Variants in ZAN observed in about 807,000 individuals in gnomAD.
ZAN encodes zonadhesin.
In ZAN, 260 loss-of-function variants were observed where a neutral mutation model predicts 286.2. The ratio of observed to expected loss-of-function variants is 0.91; its 90% CI spans 0.82 to 1.01. The LOEUF (loss-of-function observed/expected upper bound fraction) is 1.01, where lower values mean the gene tolerates loss of function less well. Among genes scored for constraint, ZAN ranks in the 50% least tolerant of loss-of-function variants. The pLI is 0.00. For missense variants in ZAN, 3,410 were observed against 3,639.2 expected (o/e 0.94, Z 1.62); for synonymous variants, 1,368 against 1,417.5 (o/e 0.97, Z 0.79).
intron 27 of ZAN, 36 bp downstream of exon 27, chr7:100,768,757 C>A (rs368223688): frequency 1.3e-6 from 2 of 1,540,592 alleles, no homozygotes; most frequent in East Asian, 2.4e-5. Flanking sequence ...GCAGGAGGGG[C>A]TGGGCCTGGG....
At chr7:100,743,333 T>G (rs140591430) in intron 7 of ZAN, among the ~76,000 whole-genome samples, 52 of 152,222 alleles carry the variant, frequency 3.4e-4, no homozygotes, top group African/African-American at 1.1e-3. Flanking sequence ...ATATTCTTTC[T>G]TTCTATGCAC....
intron 35 of ZAN, among the ~76,000 whole-genome samples, chr7:100,783,775 TATATATATACAC>T (rs1198802007): frequency 4.4e-5 from 1 of 22,496 alleles, no homozygotes; most frequent in Non-Finnish European, 9.8e-5. Flanking sequence ...TATATATATA[TATATATATACAC>T]ATATATATAT....
At chr7:100,746,408 A>T in intron 7 of ZAN, 130 bp from the exon 8 acceptor site, 2 of 1,200,738 alleles carry the variant, frequency 1.7e-6, no homozygotes, top group Non-Finnish European at 2.3e-6. Flanking sequence ...GGACCACCTC[A>T]GTGCTGCCTG....
At chr7:100,759,199 C>T (rs1204891332) in intron 17 of ZAN, among the ~76,000 whole-genome samples, 1 of 151,256 alleles carries the variant, frequency 6.6e-6, no homozygotes, top group Non-Finnish European at 1.5e-5. Context: ...CACTCCTGCA[C>T]TCTAGCCTAA....
At chr7:100,744,547 G>A (rs192532322) in intron 7 of ZAN, among the ~76,000 whole-genome samples, 2,281 of 151,136 alleles carry the variant, frequency 0.015, 110 homozygotes, top group African/African-American at 0.051. Flanking sequence ...GCAGTGAGCC[G>A]AGATAGCGCC....
In ZAN at chr7:100,776,481, C is replaced by G. The variant is rs1276072201; in HGVS notation, c.6234C>G (p.Asp2078Glu). 25 of 1,601,728 alleles carry G rather than the reference C, an allele frequency of 1.6e-5. No individual in the cohort carries two copies. Among genetic ancestry groups the G allele is most frequent in the Non-Finnish European group, 2.1e-5 (25 of 1,174,214 alleles). ...GGAACTTCAATGATGAGGAAGAGGACGAACTAATGATGCCCAGCGATGAAG... is the reference window on the plus strand; with the variant it reads ...GGAACTTCAATGATGAGGAAGAGGAGGAACTAATGATGCCCAGCGATGAAG... ...MCGNFNDEEE[D>E]ELMMPSDEVA... The change falls in exon 34 of 48, where the codon GAC (aspartate) becomes GAG (glutamate). Residue 2078 changes from aspartate to glutamate, a missense_variant. Around this residue, in one of 7 missense-constraint regions of ZAN, gnomAD observed 1,289 missense variants for 1,314.3 expected, o/e 0.98. Transcript: ENST00000613979.
chr7:100,779,420 C>T, intron 34 of ZAN, 26 bp from the exon 35 acceptor site: 1 of 1,587,860 alleles, frequency 6.3e-7, no homozygotes, highest in Non-Finnish European at 8.6e-7. Context: ...ACGGCTGTCC[C>T]TAGGCTGATT....
At chr7:100,774,609 G>A (rs1365874327) in intron 31 of ZAN, among the ~76,000 whole-genome samples, 3 of 152,136 alleles carry the variant, frequency 2.0e-5, no homozygotes, top group African/African-American at 7.2e-5. Context: ...TTGAGCCCAG[G>A]AATTAGAGTC....
chr7:100,758,913 A>G (rs1237539809), intron 17 of ZAN, among the ~76,000 whole-genome samples: 1 of 151,236 alleles, frequency 6.6e-6, no homozygotes, highest in African/African-American at 2.4e-5. Context: ...CAGGACTCTC[A>G]TCTCCATGAA....
In ZAN at chr7:100,755,402, T is replaced by A. The variant is rs771267316; in HGVS notation, c.3301T>A (p.Tyr1101Asn). ...SSCNCFYNND[Y>N]YEPGAEWFSP... Reference sequence around the variant, plus strand: ...CTGCAATTGCTTCTACAACAACGACTACTATGAGGTAAGCCCCCCGGGATG... The same window carrying A: ...CTGCAATTGCTTCTACAACAACGACAACTATGAGGTAAGCCCCCCGGGATG... Residue 1101 changes from tyrosine (Y) to asparagine (N), a missense_variant, in exon 15 of 48, where the codon TAC becomes AAC. By Grantham distance (143) the Tyr-to-Asn change is moderately radical. Coordinates refer to ENST00000613979, the MANE Select transcript of ZAN (RefSeq NM_003386.3). 1 of 1,613,224 alleles carries A rather than the reference T, an allele frequency of 6.2e-7. No homozygotes were observed. Among genetic ancestry groups the A allele is most frequent in the East Asian group, 2.2e-5 (1 of 44,878 alleles).
rs1810734146 is a variant in ZAN at position 100,775,754 on chromosome 7, A to G, written c.6113A>G (p.Asn2038Ser). 6.2e-7 allele frequency: 1 copy of G among 1,613,954 alleles called. No homozygotes were observed. The highest frequency in any genetic ancestry group is 2.2e-5 in the East Asian group (1 of 44,876). ...TCCAGCAGCATCTACAGCATTGTTA[A>G]CATCAAGATCGGGGTGCAAGTCAAG... is the stretch of plus-strand genomic sequence containing the variant. ...VKSSSIYSIV[N>S]IKIGVQVKFD... Residue 2038 changes from asparagine to serine, a missense_variant, in exon 33 of 48, where the codon AAC becomes AGC. Asn to Ser is a conservative substitution (Grantham distance 46). Transcript: ENST00000613979.
rs1360300510 is a variant in ZAN, at chr7:100,776,469, T to C, written c.6222T>C (p.Asp2074=). 2 of 1,604,430 alleles carry C rather than the reference T, an allele frequency of 1.2e-6. No individual in the cohort carries two copies. Among genetic ancestry groups the C allele is most frequent in the Middle Eastern group, 1.7e-4 (1 of 6,060 alleles). ...GCGGCATGTGTGGGAACTTCAATGA[T>C]GAGGAAGAGGACGAACTAATGATGC... ...KVCGMCGNFN[D]EEEDELMMPS... Residue 2074 remains aspartate, a synonymous_variant, in exon 34 of 48, where the codon GAT becomes GAC. Coordinates refer to ENST00000613979, the MANE Select transcript of ZAN (RefSeq NM_003386.3).
Position 100,773,390 on chromosome 7 carries a change from G to A in ZAN, c.5531G>A (p.Cys1844Tyr), listed in dbSNP as rs769933460. 1.3e-5 allele frequency: 21 copies of A among 1,614,038 alleles called. No individual in the cohort carries two copies. Among genetic ancestry groups the A allele is most frequent in the Non-Finnish European group, 1.8e-5 (21 of 1,179,898 alleles). Residue 1844 changes from cysteine to tyrosine, a missense_variant, in exon 30 of 48, where the codon TGT becomes TAT. Around this residue, in one of 7 missense-constraint regions of ZAN, gnomAD observed 1,289 missense variants for 1,314.3 expected, o/e 0.98. Transcript: ENST00000613979. ...AGGGACTGCCCCAAAGCACTGCCCT[G>A]TGCTGAGAGCTGTGAATGTCAGAAA... ...NPRDCPKALPCAESCECQKGH... is the reference protein window; with the variant it reads ...NPRDCPKALPYAESCECQKGH...
rs759514105 is a variant in ZAN, at chr7:100,779,724, CA to C, written c.6597del (p.Leu2200SerfsTer57). 6.4e-7 allele frequency: 1 copy of C among 1,555,484 alleles called. No individual in the cohort carries two copies. The highest frequency in any genetic ancestry group is 1.2e-5 in the South Asian group (1 of 84,406). On this transcript the variant is annotated frameshift_variant, in exon 35 of 48. Coordinates refer to ENST00000613979, the MANE Select transcript of ZAN (RefSeq NM_003386.3). LOFTEE classifies it high-confidence loss of function. The stretch of plus-strand genomic sequence containing the variant: ...TGCCAGAGCCAGGGGCTCAAGCCCC[CA>C]CTCTGGAGAAACAGCAGCTTCTGCC... ...ATCQSQGLKP[P>X]LWRNSSFCPL... is the part of the protein sequence containing the mutation.
At position 100,787,940 on chromosome 7, in the gene ZAN, GCTTCAGCTACCGC is replaced by G; in HGVS notation, c.7032_7044del (p.Phe2345CysfsTer5). 4.0e-6 allele frequency: 2 copies of G among 500,014 alleles called. No individual in the cohort carries two copies. Among genetic ancestry groups the G allele is most frequent in the South Asian group, 2.5e-5 (1 of 40,096 alleles). The allele number at this position is 500,014 out of a possible 1,614,324, so 31.0% of individuals were successfully genotyped here. ...GACCCCCGTTACCTCACATTTGACG[GCTTCAGCTACCGC>G]TTGCAAGGCCGCATGACCTATGTTC... On this transcript the variant is annotated frameshift_variant, in exon 38 of 48. Transcript: ENST00000613979. LOFTEE classifies it high-confidence loss of function.
At chr7:100,757,629 C>G (rs1029186952) in intron 15 of ZAN, among the ~76,000 whole-genome samples, 1 of 151,612 alleles carries the variant, frequency 6.6e-6, no homozygotes, top group Non-Finnish European at 1.5e-5. Flanking sequence ...GTGGCGGGTG[C>G]CTGTAATCCC....
chr7:100,757,670 G>T (rs1028003234), intron 15 of ZAN, among the ~76,000 whole-genome samples: 1 of 150,832 alleles, frequency 6.6e-6, no homozygotes, highest in Non-Finnish European at 1.5e-5. Context: ...CAGGAGAATC[G>T]CTTGAACGCT....
chr7:100,787,800 CA>C, intron 37 of ZAN, 88 bp from the exon 38 acceptor site: 3 of 1,328,262 alleles, frequency 2.3e-6, no homozygotes, highest in Middle Eastern at 5.4e-4. Context: ...GACCTCAGGT[CA>C]TCCACCCGCC....
Position 100,786,117 on chromosome 7 carries a change from A to G in ZAN, c.6955A>G (p.Ser2319Gly), listed in dbSNP as rs776161445. Residue 2319 changes from serine to glycine, a missense_variant, in exon 37 of 48, where the codon AGC becomes GGC. Around this residue, in one of 7 missense-constraint regions of ZAN, gnomAD observed 1,289 missense variants for 1,314.3 expected, o/e 0.98. Coordinates refer to ENST00000613979, the MANE Select transcript of ZAN (RefSeq NM_003386.3). ...CCACTGCCAGCTCACTTCCGACAAC[A>G]GCAACAGCAATTGTGTCTCAGACAG... ...GSHCQLTSDN[S>G]NSNCVSDKSE... The G allele has an allele frequency of 2.5e-6, 4 of 1,614,008 alleles. No individual in the cohort carries two copies. The South Asian group carries it at 3.3e-5, about 13-fold the overall frequency.
Sources: allele counts gnomAD v4.1 joint callset (sites outside exome capture counted in the v4.1 genomes callset), GRCh38; gene constraint gnomAD v4.1.1; regional missense constraint gnomAD v4.1.1; transcripts MANE v1.5; gene names NCBI Gene and HGNC (gene_info 2026-07-23, HGNC 2026-07-21).